Variants in IL1RAPL1 observed in about 807,000 individuals in gnomAD.
The protein encoded by IL1RAPL1 is interleukin 1 receptor accessory protein like 1.
Under a neutral mutation model 48.4 loss-of-function variants are expected in IL1RAPL1, and 3 were observed. The ratio of observed to expected loss-of-function variants is 0.06; its 90% confidence interval spans 0.03 to 0.16. The LOEUF (loss-of-function observed/expected upper bound fraction) is 0.16, where lower values mean the gene tolerates loss of function less well. Among genes scored for constraint, IL1RAPL1 ranks in the 10% least tolerant of loss-of-function variants. The pLI, the probability that IL1RAPL1 is intolerant of heterozygous loss-of-function variation, is 1.00. For missense variants in IL1RAPL1, 349 were observed against 530.6 expected (o/e 0.66, Z 3.36); for synonymous variants, 185 against 187.7 (o/e 0.99, Z 0.12).
intron 5 of IL1RAPL1, among the ~76,000 whole-genome samples, chrX:29,619,418 A>G (rs969713729): frequency 5.8e-4 from 65 of 111,827 alleles, no homozygotes; most frequent in African/African-American, 2.0e-3. Context: ...AGCTTATTGC[A>G]TGGGTTTTCT....
chrX:28,804,007 C>A (rs1936702085), intron 2 of IL1RAPL1, among the ~76,000 whole-genome samples: 1 of 111,856 alleles, frequency 8.9e-6, no homozygotes, highest in Non-Finnish European at 1.9e-5. Context: ...GTTTTCTATA[C>A]CTATGAATCA....
rs1930743978 is a variant in IL1RAPL1 at position 29,210,191 on chromosome X, A to AT, written c.83-72746dup. ...TTGTTTCTTTCTTTCACCCAATTAAATATGATTTAATTTTACCCATTATTT... is the reference window on the plus strand; with the variant it reads ...TTGTTTCTTTCTTTCACCCAATTAAATTATGATTTAATTTTACCCATTATTT... On this transcript the variant is annotated intron_variant, in intron 2 of 10. Transcript: ENST00000378993. Among the ~76,000 whole-genome samples the AT allele has an allele frequency of 5.3e-5, 6 of 112,289 alleles. No homozygotes were observed. The South Asian group carries it at 2.2e-3, about 41-fold the overall frequency.
intron 3 of IL1RAPL1, among the ~76,000 whole-genome samples, chrX:29,335,299 AG>A (rs1408309423): frequency 0.017 from 5 of 303 alleles, no homozygotes; most frequent in African/African-American, 0.022. Context: ...GAGAGGGGAG[AG>A]GGGAGAGGGG....
intron 3 of IL1RAPL1, among the ~76,000 whole-genome samples, chrX:29,361,454 A>T (rs1475227675): frequency 9.0e-6 from 1 of 110,797 alleles, no homozygotes; most frequent in African/African-American, 3.3e-5. Context: ...AGCTAAACTA[A>T]TTGTATTTAT....
chrX:28,898,112 G>A (rs1280846025), intron 2 of IL1RAPL1, among the ~76,000 whole-genome samples: 1 of 111,984 alleles, frequency 8.9e-6, no homozygotes, highest in Non-Finnish European at 1.9e-5. Flanking sequence ...CCATCTGGAT[G>A]TATATGTGTA....
At chrX:28,771,952 A>G (rs1253285381) in intron 1 of IL1RAPL1, among the ~76,000 whole-genome samples, 1 of 109,336 alleles carries the variant, frequency 9.1e-6, no homozygotes, top group Admixed American at 9.7e-5. Context: ...AAAAAAAAAA[A>G]AAAAAAAGAA....
rs139271768 is a variant in IL1RAPL1 at position 29,374,015 on chromosome X, C to T, written c.363-22243C>T. Among the ~76,000 whole-genome samples the T allele has an allele frequency of 6.3e-3, 658 of 105,185 alleles. 3 individuals carry two copies. Among genetic ancestry groups the T allele is most frequent in the African/African-American group, 0.02 (581 of 28,997 alleles). 91.3% of individuals were successfully genotyped at this position (105,185 alleles called of 115,157 possible). A position where few individuals can be genotyped will look rare whatever the true frequency, so the allele number is the denominator to read the frequency against. ...AGCCACAATGCCTGGCTGTTTTTAA[C>T]GTGCTGCTGGATACAGTTTGGTAGT... is the stretch of plus-strand genomic sequence containing the variant. On this transcript the variant is annotated intron_variant, in intron 3 of 10. Coordinates refer to ENST00000378993, the MANE Select transcript of IL1RAPL1 (RefSeq NM_014271.4).
chrX:29,359,343 C>A (rs983422644), intron 3 of IL1RAPL1, among the ~76,000 whole-genome samples: 2 of 111,665 alleles, frequency 1.8e-5, no homozygotes, highest in Non-Finnish European at 3.8e-5. Flanking sequence ...CCCAAAAATA[C>A]AACAGAAAAT....
chrX:28,932,768 C>T (rs1426526592), intron 2 of IL1RAPL1, among the ~76,000 whole-genome samples: 10 of 106,823 alleles, frequency 9.4e-5, no homozygotes, highest in African/African-American at 3.4e-4. Flanking sequence ...AAAAAAATCA[C>T]TAAAAAAATG....
At chrX:29,531,770 T>C (rs1400058612) in intron 5 of IL1RAPL1, among the ~76,000 whole-genome samples, 1 of 112,137 alleles carries the variant, frequency 8.9e-6, no homozygotes, top group African/African-American at 3.2e-5. Context: ...CTTCTGGTGG[T>C]TGCCAGCAGT....
chrX:29,811,929 A>G (rs185953688), intron 6 of IL1RAPL1, among the ~76,000 whole-genome samples: 11 of 111,879 alleles, frequency 9.8e-5, no homozygotes, highest in African/African-American at 2.9e-4. Context: ...ACCCTTTAAC[A>G]CAGGAATTTC....
chrX:28,745,507 G>C (rs1451603127), intron 1 of IL1RAPL1, among the ~76,000 whole-genome samples: 3 of 111,412 alleles, frequency 2.7e-5, no homozygotes, highest in Admixed American at 9.6e-5. Flanking sequence ...AAAGATGTGA[G>C]GTTTATGAAA....
At chrX:29,304,847 T>G (rs1486126058) in intron 3 of IL1RAPL1, among the ~76,000 whole-genome samples, 4 of 112,828 alleles carry the variant, frequency 3.5e-5, no homozygotes, top group African/African-American at 1.3e-4. Context: ...CTCGGCTCAC[T>G]GAAACCTCTG....
intron 5 of IL1RAPL1, among the ~76,000 whole-genome samples, chrX:29,663,273 T>C (rs1925900219): frequency 8.9e-6 from 1 of 112,428 alleles, no homozygotes; most frequent in Non-Finnish European, 1.9e-5. Context: ...TATTGTAAAA[T>C]GGAGTGAGTC....
chrX:28,719,610 A>G (rs375937017), intron 1 of IL1RAPL1, among the ~76,000 whole-genome samples: 116 of 111,248 alleles, frequency 1.0e-3, no homozygotes, highest in African/African-American at 3.5e-3. Context: ...AAATTTCTTC[A>G]TGTATACAGC....
chrX:28,872,098 C>T (rs1922220873), intron 2 of IL1RAPL1, among the ~76,000 whole-genome samples: 1 of 111,768 alleles, frequency 8.9e-6, no homozygotes, highest in Non-Finnish European at 1.9e-5. Flanking sequence ...GCCTCGACCT[C>T]TTGGACTCAA....
At position 29,118,843 on chromosome X, in the gene IL1RAPL1, A is replaced by C. The variant is rs186562425; in HGVS notation, c.83-164095A>C. 9.3e-4 allele frequency among the ~76,000 whole-genome samples: 104 copies of C among 111,769 alleles called. 1 individual carries two copies. The highest frequency in any genetic ancestry group is 1.7e-3 in the Non-Finnish European group (91 of 52,991). ...AAAATGGGCAAGAGATTTTGAAACA[A>C]GTTTACCTAGATTTGCAACAATATA... On this transcript the variant is annotated intron_variant, in intron 2 of 10. Transcript: ENST00000378993.
intron 2 of IL1RAPL1, among the ~76,000 whole-genome samples, chrX:29,193,779 A>G (rs1930394531): frequency 8.9e-6 from 1 of 111,841 alleles, no homozygotes; most frequent in South Asian, 3.7e-4. Flanking sequence ...ATAAATTCCA[A>G]TAAAAACTGG....
At chrX:28,737,211 CTTTCTTTCTT>C (rs1935849993) in intron 1 of IL1RAPL1, among the ~76,000 whole-genome samples, 1 of 50,486 alleles carries the variant, frequency 2.0e-5, no homozygotes, top group Admixed American at 3.7e-4. Context: ...CTTTCTCTTT[CTTTCTTTCTT>C]TCTTTCTTTC....
Sources: gnomAD v4.1 joint callset for allele counts (sites outside exome capture counted in the v4.1 genomes callset) on GRCh38, gnomAD v4.1.1 for gene constraint, MANE v1.5 for transcripts, NCBI Gene and HGNC (gene_info 2026-07-23, HGNC 2026-07-21) for gene names.